The following GRIP1 variants were observed in gnomAD, a reference collection of about 807,000 sequenced individuals.
GRIP1 encodes glutamate receptor interacting protein 1, also known as glutamate receptor-interacting protein 1.
GRIP1 carries 45 observed loss-of-function variants against 129.9 expected under a neutral mutation model. The observed-to-expected ratio is 0.35, with a 90% confidence interval of 0.27 to 0.44. The LOEUF (loss-of-function observed/expected upper bound fraction) is 0.44, where lower values mean the gene tolerates loss of function less well. GRIP1 is among the 20% of genes least tolerant of loss of function. The probability of loss-of-function intolerance (pLI) is 1.00; values close to 1 mark genes in which losing one functional copy is unlikely to be tolerated. For synonymous variants in GRIP1, 530 were observed against 520.8 expected, an observed-to-expected ratio of 1.02 and a Z score of -0.24; for missense variants, 1,196 against 1,396.8, an observed-to-expected ratio of 0.86 and a Z score of 2.29.
chr12:67,004,664 A>T (rs2042601418), intron 1 of GRIP1, among the ~76,000 whole-genome samples: 1 of 152,194 alleles, frequency 6.6e-6, no homozygotes, highest in Non-Finnish European at 1.5e-5. Context: ...AGTGAAAAAA[A>T]TAACCTTATT....
chr12:66,455,693 G>A (rs879518772), intron 10 of GRIP1, 129 bp from the exon 11 acceptor site: 5 of 803,056 alleles, frequency 6.2e-6, no homozygotes, highest in African/African-American at 1.7e-5. Context: ...ACCCCAGCCA[G>A]CTAGAGGCCA....
intron 1 of GRIP1, among the ~76,000 whole-genome samples, chr12:66,899,577 C>A (rs993298142): frequency 1.7e-4 from 26 of 152,008 alleles, no homozygotes; most frequent in African/African-American, 5.3e-4. Context: ...ATTGTCCAGG[C>A]TGGTTGAAAA....
rs554969473 is a variant in GRIP1, at chr12:66,799,276, A to ACTAT, written c.-420+4773_-420+4776dup. ...AATCAATTTTCAACAAGACAAATAT[A>ACTAT]CTATAGATGGAAAGCAATTCTTAGG... is the stretch of plus-strand genomic sequence containing the variant. On this transcript the variant is annotated intron_variant, in intron 1 of 4. Transcript: ENST00000538373. Among the ~76,000 whole-genome samples the ACTAT allele has an allele frequency of 2.0e-5, 3 of 152,302 alleles. No individual in the cohort carries two copies. The East Asian group carries it at 5.8e-4, about 29-fold the overall frequency.
intron 8 of GRIP1, 75 bp from the exon 9 acceptor site, chr12:66,463,168 TA>T: frequency 8.0e-7 from 1 of 1,249,818 alleles, no homozygotes; most frequent in Non-Finnish European, 1.2e-6. Context: ...CCTTCATAGT[TA>T]AAATTTCACA....
At chr12:66,823,769 A>AAG (rs2039362329) in intron 1 of GRIP1, among the ~76,000 whole-genome samples, 1 of 147,942 alleles carries the variant, frequency 6.8e-6, no homozygotes, top group East Asian at 2.0e-4. Context: ...CAAGGAAAGA[A>AAG]AGAGTTCTGA....
Position 66,693,160 on chromosome 12 carries a change from G to A in GRIP1, c.-419-62824C>T, listed in dbSNP as rs551864992. Among the ~76,000 whole-genome samples, 35 of 151,326 alleles carry A rather than the reference G, an allele frequency of 2.3e-4. No homozygotes were observed. The South Asian group carries it at 6.9e-3, about 30-fold the overall frequency. On this transcript the variant is annotated intron_variant, in intron 1 of 4. Coordinates refer to the GRIP1 transcript ENST00000538373. ...ATGTCCCAAGAGAGCCAGGTCATGA[G>A]CTTATGAATGACAGGGTGATGTCTA...
At chr12:66,928,865 T>A (rs899428380) in intron 1 of GRIP1, among the ~76,000 whole-genome samples, 2 of 152,226 alleles carry the variant, frequency 1.3e-5, no homozygotes, top group Non-Finnish European at 2.9e-5. Flanking sequence ...CTGTCTATAC[T>A]GTGGCTCTGG....
intron 1 of GRIP1, among the ~76,000 whole-genome samples, chr12:66,734,543 A>G (rs1465559133): frequency 6.6e-6 from 1 of 152,214 alleles, no homozygotes; most frequent in Non-Finnish European, 1.5e-5. Flanking sequence ...TACTTTAAAG[A>G]AGGAAACAAG....
At chr12:66,744,255 C>A (rs1028399036) in intron 1 of GRIP1, among the ~76,000 whole-genome samples, 4 of 151,986 alleles carry the variant, frequency 2.6e-5, no homozygotes, top group Admixed American at 6.6e-5. Flanking sequence ...CACACCAGTA[C>A]ATTTATCTTC....
chr12:66,353,566 G>A lies in GRIP1; in HGVS notation c.3013-3C>T. ...TCAGAGTCCTTGTACAAGGTCACCT[G>A]AAGAGAGAAAATGGGATGTGAATAT... On this transcript the variant is annotated splice_region_variant and splice_polypyrimidine_tract_variant and intron_variant, in intron 23 of 24. Coordinates refer to ENST00000359742, the MANE Select transcript of GRIP1 (RefSeq NM_001366722.1). 1 of 1,613,666 alleles carries A rather than the reference G, an allele frequency of 6.2e-7. No individual in the cohort carries two copies. Among genetic ancestry groups the A allele is most frequent in the Non-Finnish European group, 8.5e-7 (1 of 1,179,568 alleles).
At chr12:66,777,451 C>T (rs866060662) in intron 1 of GRIP1, among the ~76,000 whole-genome samples, 3 of 152,248 alleles carry the variant, frequency 2.0e-5, no homozygotes, top group South Asian at 4.2e-4. Flanking sequence ...ATGGAAACTG[C>T]CCCCCAACAC....
At chr12:66,616,084 C>T (rs2065028385) in intron 1 of GRIP1, among the ~76,000 whole-genome samples, 1 of 152,146 alleles carries the variant, frequency 6.6e-6, no homozygotes, top group Non-Finnish European at 1.5e-5. Context: ...TCTTCATAAA[C>T]ATCCCTAAAT....
At chr12:67,060,304 G>T (rs1259744011) in intron 1 of GRIP1, among the ~76,000 whole-genome samples, 1 of 152,170 alleles carries the variant, frequency 6.6e-6, no homozygotes, top group Non-Finnish European at 1.5e-5. Flanking sequence ...ACTTTCCACA[G>T]CAGCAAGTAC....
chr12:66,884,098 C>T (rs2040524699), intron 1 of GRIP1, among the ~76,000 whole-genome samples: 1 of 152,182 alleles, frequency 6.6e-6, no homozygotes, highest in Admixed American at 6.5e-5. Flanking sequence ...TTACTCAAGC[C>T]ATATGTGAGT....
intron 1 of GRIP1, among the ~76,000 whole-genome samples, chr12:66,778,642 A>G (rs939559287): frequency 1.1e-4 from 16 of 152,332 alleles, no homozygotes; most frequent in Admixed American, 9.1e-4. Flanking sequence ...GAATGTAAAG[A>G]CACCCTATAA....
intron 2 of GRIP1, among the ~76,000 whole-genome samples, chr12:66,556,158 A>G (rs1281297221): frequency 1.3e-5 from 2 of 152,196 alleles, no homozygotes; most frequent in Admixed American, 1.3e-4. Context: ...AAGGAAAAAG[A>G]AAGAATCCTA....
rs967015956 is a variant in GRIP1, at chr12:66,347,598, T to C, written c.*1421A>G. On this transcript the variant is annotated 3_prime_UTR_variant, in exon 25 of 25. Transcript: ENST00000359742. ...GTATTAAATTTGTACAAAAATACTT[T>C]ACAGTTTAATACTTGTTTGTTACAA... The C allele has an allele frequency of 1.3e-5, 2 of 152,210 alleles. No individual in the cohort carries two copies. Among genetic ancestry groups the C allele is most frequent in the Non-Finnish European group, 2.9e-5 (2 of 68,024 alleles). The allele number at this position is 152,210 out of a possible 1,614,324, so 9.4% of individuals were successfully genotyped here. A position where few individuals can be genotyped will look rare whatever the true frequency, so the allele number is the denominator to read the frequency against.
intron 7 of GRIP1, among the ~76,000 whole-genome samples, chr12:66,489,395 T>C (rs2060045316): frequency 6.6e-6 from 1 of 152,026 alleles, no homozygotes; most frequent in Non-Finnish European, 1.5e-5. Flanking sequence ...TCTCAACAGA[T>C]ACAGAAAAGG....
At chr12:66,559,004 G>A (rs1331490454) in intron 2 of GRIP1, among the ~76,000 whole-genome samples, 4 of 151,830 alleles carry the variant, frequency 2.6e-5, no homozygotes, top group Non-Finnish European at 5.9e-5. Flanking sequence ...TTTATCCCAG[G>A]GGTGCAAGGA....
Sources: gnomAD v4.1 joint callset for allele counts (sites outside exome capture counted in the v4.1 genomes callset) on GRCh38, gnomAD v4.1.1 for gene constraint, MANE v1.5 for transcripts, NCBI Gene and HGNC (gene_info 2026-07-23, HGNC 2026-07-21) for gene names.